PLAC1: variants seen among roughly 807,000 people sequenced by gnomAD.
PLAC1 encodes the protein placenta-specific protein 1.
For missense variants in PLAC1, 136 were observed against 163.2 expected (o/e 0.83, Z 0.91); for synonymous variants, 68 against 62.1 (o/e 1.09, Z -0.44).
chrX:134,742,356 G>A (rs1199117503), intron 1 of PLAC1, among the ~76,000 whole-genome samples: 1 of 112,534 alleles, frequency 8.9e-6, no homozygotes, highest in Non-Finnish European at 1.9e-5. Flanking sequence ...GGGAGGCTGA[G>A]GTGGGCGGAT....
At chrX:134,762,799 G>GGCTCCTCAGAGAAATGGC (rs2078772950) in intron 1 of PLAC1, among the ~76,000 whole-genome samples, 1 of 86,567 alleles carries the variant, frequency 1.2e-5, no homozygotes, top group Non-Finnish European at 2.2e-5. Flanking sequence ...TCCAGCCTGG[G>GGCTCCTCAGAGAAATGGC]TGACAGAATG....
At chrX:134,685,445 G>A (rs1412214120) in intron 2 of PLAC1, among the ~76,000 whole-genome samples, 1 of 95,394 alleles carries the variant, frequency 1.0e-5, no homozygotes, top group Non-Finnish European at 2.1e-5. Flanking sequence ...ACAAAATGGC[G>A]TCCCTTTTTT....
rs113672990 is a variant in PLAC1 at position 134,611,877 on chromosome X, G to T, written c.-130-9755C>A. 1.3e-4 allele frequency among the ~76,000 whole-genome samples: 15 copies of T among 111,209 alleles called. No homozygotes were observed. In the Admixed American group the frequency reaches 1.4e-3, roughly 11 times the overall value. ...CCCTGGGCTTAGAAGCAGCTCCATG[G>T]GTGCTATGGTTTCTCAGGCCTGTCA... is the stretch of plus-strand genomic sequence containing the variant. On this transcript the variant is annotated intron_variant, in intron 1 of 2. Transcript: ENST00000359237.
chrX:134,729,450 GC>G (rs1249708863), intron 2 of PLAC1, among the ~76,000 whole-genome samples: 2 of 112,132 alleles, frequency 1.8e-5, no homozygotes, highest in East Asian at 5.6e-4. Context: ...AAGTGCCACA[GC>G]TAGTAAGTAG....
intron 2 of PLAC1, among the ~76,000 whole-genome samples, chrX:134,696,821 G>A (rs1177427947): frequency 9.1e-6 from 1 of 109,889 alleles, no homozygotes; most frequent in African/African-American, 3.3e-5. Context: ...GAGGTCAGGA[G>A]ATCGAGACCA....
chrX:134,680,545 G>GAACTAAACTAAACTA (rs560733130), intron 2 of PLAC1, among the ~76,000 whole-genome samples: 2,559 of 49,664 alleles, frequency 0.052, 103 homozygotes, highest in African/African-American at 0.088. Flanking sequence ...AAACTAAACT[G>GAACTAAACTAAACTA]AACTAAACTA....
intron 2 of PLAC1, among the ~76,000 whole-genome samples, chrX:134,574,779 T>C (rs1360819686): frequency 9.0e-6 from 1 of 111,397 alleles, no homozygotes; most frequent in Admixed American, 9.6e-5. Flanking sequence ...GTCCAGGCAA[T>C]TGAGAGACAG....
intron 2 of PLAC1, among the ~76,000 whole-genome samples, chrX:134,665,255 C>G (rs2078432809): frequency 8.9e-6 from 1 of 111,805 alleles, no homozygotes; most frequent in East Asian, 2.8e-4. Flanking sequence ...ACCACTGAGT[C>G]ACTGGCCTTT....
At chrX:134,570,732 G>A (rs1023733775) in intron 2 of PLAC1, among the ~76,000 whole-genome samples, 2 of 111,946 alleles carry the variant, frequency 1.8e-5, no homozygotes, top group Non-Finnish European at 3.8e-5. Context: ...ACACCTGGAT[G>A]CAAAATGTTT....
chrX:134,665,887 G>T (rs1027811896), intron 2 of PLAC1, among the ~76,000 whole-genome samples: 1 of 110,982 alleles, frequency 9.0e-6, no homozygotes, highest in Admixed American at 9.6e-5. Context: ...AATGGGCCTT[G>T]TATCACCTCC....
intron 1 of PLAC1, among the ~76,000 whole-genome samples, chrX:134,643,330 G>A (rs1337813576): frequency 9.0e-6 from 1 of 111,493 alleles, no homozygotes; most frequent in Non-Finnish European, 1.9e-5. Context: ...AAGGTAAAGT[G>A]TACAACAGCT....
chrX:134,678,070 G>T (rs769223178), intron 2 of PLAC1, among the ~76,000 whole-genome samples: 2 of 111,570 alleles, frequency 1.8e-5, no homozygotes, highest in South Asian at 7.6e-4. Flanking sequence ...CCACAAGCTC[G>T]TCTCACTGCC....
At chrX:134,719,823 A>C (rs1045299389) in intron 2 of PLAC1, among the ~76,000 whole-genome samples, 1 of 111,364 alleles carries the variant, frequency 9.0e-6, no homozygotes, top group African/African-American at 3.3e-5. Context: ...AAAAACACTC[A>C]ATAAACAAGA....
chrX:134,647,140 G>C (rs1208001993), intron 1 of PLAC1, among the ~76,000 whole-genome samples: 1 of 111,712 alleles, frequency 9.0e-6, no homozygotes, highest in Admixed American at 9.5e-5. Context: ...AGGTAGCCGT[G>C]TAGGCAGGAA....
chrX:134,696,929 G>A (rs1242802783), intron 2 of PLAC1, among the ~76,000 whole-genome samples: 1 of 108,338 alleles, frequency 9.2e-6, no homozygotes, highest in Non-Finnish European at 1.9e-5. Flanking sequence ...CCACTCGGGA[G>A]GCTGACACAG....
At chrX:134,728,464 A>T (rs1271016628) in intron 2 of PLAC1, among the ~76,000 whole-genome samples, 1 of 112,428 alleles carries the variant, frequency 8.9e-6, no homozygotes, top group African/African-American at 3.2e-5. Flanking sequence ...GAAACCATGA[A>T]GACCAGAAGC....
intron 2 of PLAC1, among the ~76,000 whole-genome samples, chrX:134,586,839 T>TTTTGTGTG (rs1556045719): frequency 2.6e-5 from 2 of 76,653 alleles, no homozygotes; most frequent in Non-Finnish European, 5.0e-5. Flanking sequence ...CCCAGCTAAT[T>TTTTGTGTG]TGTGTGTGTG....
chrX:134,742,929 AAG>A (rs758153774), intron 1 of PLAC1, among the ~76,000 whole-genome samples: 5 of 112,194 alleles, frequency 4.5e-5, no homozygotes, highest in Admixed American at 9.5e-5. Flanking sequence ...GAAGGAAAGA[AAG>A]AGAGAGAGAA....
chrX:134,738,527 T>A (rs1327645901), intron 1 of PLAC1, among the ~76,000 whole-genome samples: 1 of 111,954 alleles, frequency 8.9e-6, no homozygotes, highest in Non-Finnish European at 1.9e-5. Context: ...CCAGCCCCCC[T>A]GGACCCAGGT....
Sources: allele counts gnomAD v4.1 joint callset (sites outside exome capture counted in the v4.1 genomes callset), GRCh38; gene constraint gnomAD v4.1.1; transcripts MANE v1.5; gene names NCBI Gene and HGNC (gene_info 2026-07-23, HGNC 2026-07-21).